Variants in SIN3B observed in about 807,000 individuals in gnomAD.
SIN3B encodes paired amphipathic helix protein Sin3b.
SIN3B carries 19 observed loss-of-function variants against 120.2 expected under a neutral mutation model. The observed-to-expected ratio is 0.16, with a 90% CI of 0.11 to 0.23. The LOEUF (loss-of-function observed/expected upper bound fraction) is 0.23, where lower values mean the gene tolerates loss of function less well. SIN3B is among the 10% of genes least tolerant of loss of function. The pLI, the probability that SIN3B is intolerant of heterozygous loss-of-function variation, is 1.00. For missense variants in SIN3B, 1,073 were observed against 1,573.0 expected (o/e 0.68, Z 5.38); for synonymous variants, 654 against 653.2 (o/e 1.00, Z -0.02).
intron 5 of SIN3B, among the ~76,000 whole-genome samples, chr19:16,849,731 G>A (rs1188637956): frequency 6.6e-6 from 1 of 152,178 alleles, no homozygotes; most frequent in Non-Finnish European, 1.5e-5. Context: ...CCCTGTTCTT[G>A]TTCAGCATTT....
Position 16,869,669 on chromosome 19 carries a change from G to C in SIN3B, c.2016G>C (p.Leu672=). The C allele has an allele frequency of 6.2e-7, 1 of 1,613,562 alleles. No individual in the cohort carries two copies. The highest frequency in any genetic ancestry group is 8.5e-7 in the Non-Finnish European group (1 of 1,180,016). Residue 672 remains leucine, a synonymous_variant, in exon 13 of 19, where the codon CTG becomes CTC. Transcript: ENST00000248054. ...CCAGCCTCTTCTTCTCTCAGCAGCT[G>C]GACCTGGGCGCCTCCGAGGAGTCAG... ...FVPSLFFSQQ[L]DLGASEESAD...
rs1971757942 is a variant in SIN3B, at chr19:16,865,560, A to G, written c.1534A>G (p.Ile512Val). 6.2e-7 allele frequency: 1 copy of G among 1,613,652 alleles called. No homozygotes were observed. Among genetic ancestry groups the G allele is most frequent in the Non-Finnish European group, 8.5e-7 (1 of 1,179,814 alleles). The change falls in exon 11 of 19, where the codon ATT (isoleucine) becomes GTT (valine). Residue 512 changes from isoleucine (I) to valine (V), a missense_variant. Transcript: ENST00000248054. ...GTCGGAGGTGATCCAGCGCCGTGCCATTTATCGCATCTATGGCGACAAGGC... is the reference window on the plus strand; with the variant it reads ...GTCGGAGGTGATCCAGCGCCGTGCCGTTTATCGCATCTATGGCGACAAGGC... Reference protein sequence around the residue: ...GTSEVIQRRAIYRIYGDKAPE... With the variant: ...GTSEVIQRRAVYRIYGDKAPE...
Position 16,871,410 on chromosome 19 carries a change from C to T in SIN3B, c.2592+12C>T, listed in dbSNP as rs201230049. ...ACATTGCGCGGCAGGTGAGCCGGGC[C>T]GGGGTGGGGCCGGCCCTGAGGACGG... On this transcript the variant is annotated intron_variant, in intron 14 of 18. Transcript: ENST00000248054. 4.5e-5 allele frequency: 72 copies of T among 1,590,226 alleles called. No individual in the cohort carries two copies. The highest frequency in any genetic ancestry group is 3.8e-4 in the African/African-American group (28 of 74,552).
intron 3 of SIN3B, among the ~76,000 whole-genome samples, chr19:16,838,853 T>G (rs1284884090): frequency 6.6e-6 from 1 of 151,490 alleles, no homozygotes; most frequent in African/African-American, 2.4e-5. Flanking sequence ...TTTGCATTTT[T>G]AGTAGAGATA....
intron 3 of SIN3B, among the ~76,000 whole-genome samples, chr19:16,839,048 A>C (rs1971384455): frequency 7.3e-6 from 1 of 136,290 alleles, no homozygotes; most frequent in Non-Finnish European, 1.5e-5. Context: ...TTGTCGGCTC[A>C]CCACAACCCC....
intron 3 of SIN3B, among the ~76,000 whole-genome samples, chr19:16,833,361 C>T (rs1359685283): frequency 6.6e-6 from 1 of 152,156 alleles, no homozygotes; most frequent in Non-Finnish European, 1.5e-5. Flanking sequence ...CGGCCAGGCG[C>T]AGTGGCTCAC....
intron 9 of SIN3B, chr19:16,863,107 G>A (rs1971712420): frequency 2.8e-6 from 2 of 708,800 alleles, no homozygotes; most frequent in Non-Finnish European, 4.9e-6. Context: ...CAAAGGCAGA[G>A]TTGAGTATTC....
At chr19:16,846,866 G>T in intron 4 of SIN3B, 104 bp from the exon 5 acceptor site, 2 of 1,268,558 alleles carry the variant, frequency 1.6e-6, no homozygotes, top group Non-Finnish European at 2.2e-6. Flanking sequence ...GCTCTTTCCT[G>T]AGAGTCATCC....
chr19:16,869,838 C>A lies in SIN3B; in HGVS notation c.2185C>A (p.Pro729Thr). 1 of 1,614,028 alleles carries A rather than the reference C, an allele frequency of 6.2e-7. No individual in the cohort carries two copies. Among genetic ancestry groups the A allele is most frequent in the Non-Finnish European group, 8.5e-7 (1 of 1,179,996 alleles). Reference protein sequence around the residue: ...APATEQPPLPPPAPHKPLDDV... With the variant: ...APATEQPPLPTPAPHKPLDDV... The stretch of plus-strand genomic sequence containing the variant: ...GGCCACTGAGCAGCCACCCCTGCCG[C>A]CCCCAGCCCCGCACAAGCCCCTGGA... The change falls in exon 13 of 19, where the codon CCC (proline) becomes ACC (threonine). Residue 729 changes from proline to threonine, a missense_variant. Transcript: ENST00000248054.
At chr19:16,871,837 A>G (rs139890065) in intron 14 of SIN3B, among the ~76,000 whole-genome samples, 31 of 152,128 alleles carry the variant, frequency 2.0e-4, no homozygotes, top group Admixed American at 7.9e-4. Flanking sequence ...TGGCTGCCTT[A>G]TAGAGATTGT....
In SIN3B at chr19:16,862,601, T is replaced by C. The variant is rs1387371189; in HGVS notation, c.1266+42T>C. The C allele has an allele frequency of 2.0e-6, 3 of 1,533,916 alleles. No individual in the cohort carries two copies. The highest frequency in any genetic ancestry group is 1.7e-5 in the Admixed American group (1 of 57,912). On this transcript the variant is annotated intron_variant, in intron 9 of 18. Transcript: ENST00000248054. This position sits in a 1 kb window ranked among gnomAD's most constrained non-coding sequence, Gnocchi z 4.7. ...CTCAAATGTTCGTTGACATGGTGCA[T>C]CCCCCACCCCTCCCCAGCAAACACC... is the stretch of plus-strand genomic sequence containing the variant.
At position 16,862,994 on chromosome 19, in the gene SIN3B, G is replaced by C. The variant is rs748237526; in HGVS notation, c.1266+435G>C. 6.3e-7 allele frequency: 1 copy of C among 1,591,330 alleles called. No homozygotes were observed. Among genetic ancestry groups the C allele is most frequent in the Non-Finnish European group, 8.6e-7 (1 of 1,159,316 alleles). On this transcript the variant is annotated intron_variant, in intron 9 of 18. Transcript: ENST00000248054. The surrounding 1 kb of genome is among the most constrained non-coding windows in gnomAD (Gnocchi z 4.7). ...ATAGTGCAGGGGTCAGCAAACTCTG[G>C]CCCACGGGCCCTGGCCCGCTGCCCG...
chr19:16,860,806 C>T (rs1009514622), intron 8 of SIN3B, among the ~76,000 whole-genome samples: 10 of 151,834 alleles, frequency 6.6e-5, no homozygotes, highest in South Asian at 4.2e-4. Context: ...GGGGTTTCAC[C>T]GTGGTCTCGA....
rs759610962 is a variant in SIN3B, at chr19:16,841,908, C to G, written c.522C>G (p.Thr174=). Reference sequence around the variant, plus strand: ...TCAGCTATGTGAATAAGATTAAAACCCGCTTCCTAGACCACCCAGAAATCT... The same window carrying G: ...TCAGCTATGTGAATAAGATTAAAACGCGCTTCCTAGACCACCCAGAAATCT... ...NAISYVNKIK[T]RFLDHPEIYR... The change falls in exon 4 of 19, where the codon ACC becomes ACG. Residue 174 remains threonine, a synonymous_variant. Coordinates refer to ENST00000248054, the MANE Select transcript of SIN3B (RefSeq NM_001297595.2). 1 of 1,614,054 alleles carries G rather than the reference C, an allele frequency of 6.2e-7. No homozygotes were observed.
intron 10 of SIN3B, 58 bp from the exon 11 acceptor site, chr19:16,865,352 T>C: frequency 4.4e-6 from 4 of 910,682 alleles, no homozygotes; most frequent in South Asian, 2.9e-5. Flanking sequence ...CCCAGGCTCC[T>C]CTCTGAGGCC....
intron 7 of SIN3B, among the ~76,000 whole-genome samples, chr19:16,853,547 T>A (rs2144597512): frequency 6.6e-6 from 1 of 152,154 alleles, no homozygotes; most frequent in East Asian, 1.9e-4. Flanking sequence ...ATGCACAGAC[T>A]GTGAATTGCT....
In SIN3B at chr19:16,869,621, C is replaced by T. The variant is rs1192577618; in HGVS notation, c.1968C>T (p.His656=). 1 of 1,613,644 alleles carries T rather than the reference C, an allele frequency of 6.2e-7. No homozygotes were observed. Among genetic ancestry groups the T allele is most frequent in the Admixed American group, 1.7e-5 (1 of 60,036 alleles). The change falls in exon 13 of 19, where the codon CAC becomes CAT. Residue 656 remains histidine (H), a synonymous_variant. Transcript: ENST00000248054. ...AIQKEDQGTI[H]QLLHQFVPSL... is the part of the protein sequence containing the mutation. ...AGAAGGAGGACCAGGGCACCATCCA[C>T]CAGCTGCTGCACCAGTTCGTGCCCA...
At position 16,850,092 on chromosome 19, in the gene SIN3B, GA is replaced by G. The variant is rs1971526200; in HGVS notation, c.727-1319del. Among the ~76,000 whole-genome samples the G allele has an allele frequency of 2.0e-5, 3 of 151,452 alleles. No individual in the cohort carries two copies. The South Asian group carries it at 6.3e-4, about 32-fold the overall frequency. On this transcript the variant is annotated intron_variant, in intron 5 of 18. Transcript: ENST00000248054. ...TTCCCCCCAAAACTCAAATAGCCTT[GA>G]GTTTTGGTAATTATTCCCCCCAAAT...
intron 1 of SIN3B, 77 bp downstream of exon 1, chr19:16,829,617 G>GC: frequency 1.2e-6 from 1 of 800,392 alleles, no homozygotes; most frequent in South Asian, 5.7e-5. Flanking sequence ...CCCAGGCCCC[G>GC]CCCGGCCCCA....
Sources: gnomAD v4.1 joint callset for allele counts (sites outside exome capture counted in the v4.1 genomes callset) on GRCh38, gnomAD v4.1.1 for gene constraint, Gnocchi (gnomAD v3.1) non-coding constraint, MANE v1.5 for transcripts, NCBI Gene and HGNC (gene_info 2026-07-23, HGNC 2026-07-21) for gene names.